PTPRD: variants seen among roughly 807,000 people sequenced by gnomAD.
The protein encoded by PTPRD is receptor-type tyrosine-protein phosphatase delta.
In PTPRD, 34 loss-of-function variants were observed where a neutral mutation model predicts 214.5. The observed-to-expected ratio is 0.16, with a 90% CI of 0.12 to 0.21. PTPRD has a LOEUF of 0.21. Ranked by LOEUF, PTPRD falls within the 10% of genes least tolerant of loss-of-function variation. The probability of loss-of-function intolerance (pLI) is 1.00; values close to 1 mark genes in which losing one functional copy is unlikely to be tolerated. For missense variants in PTPRD, 2,545 were observed against 2,398.7 expected (o/e 1.06, Z -1.27); for synonymous variants, 1,128 against 845.7 (o/e 1.33, Z -5.79).
chr9:8,883,884 A>G (rs1022167127), intron 11 of PTPRD, among the ~76,000 whole-genome samples: 2 of 152,224 alleles, frequency 1.3e-5, no homozygotes, highest in East Asian at 3.9e-4. Flanking sequence ...ATCTGGGGAT[A>G]TACATTCAAG....
chr9:9,481,109 AATG>A (rs1191823278), intron 8 of PTPRD, among the ~76,000 whole-genome samples: 1 of 152,062 alleles, frequency 6.6e-6, no homozygotes, highest in Non-Finnish European at 1.5e-5. Flanking sequence ...TGATGGTGAT[AATG>A]ATGATGATGA....
At position 9,765,021 on chromosome 9, in the gene PTPRD, C is replaced by G. The variant is rs529352024; in HGVS notation, c.-326+1789G>C. Among the ~76,000 whole-genome samples the G allele has an allele frequency of 8.1e-4, 123 of 152,254 alleles. 1 individual carries two copies. The highest frequency in any genetic ancestry group is 1.2e-3 in the Non-Finnish European group (80 of 68,030). On this transcript the variant is annotated intron_variant, in intron 6 of 45. Transcript: ENST00000381196. ...GTCCCTGCCAAATGTCATGCCAAAG[C>G]CTTGACACAACAGAGATTTGTGCCT... is the stretch of plus-strand genomic sequence containing the variant.
chr9:9,994,538 T>C (rs1312594287), intron 4 of PTPRD, among the ~76,000 whole-genome samples: 4 of 152,050 alleles, frequency 2.6e-5, no homozygotes, highest in East Asian at 1.9e-4. Flanking sequence ...TCAGCTGTTA[T>C]AACACAATCT....
intron 31 of PTPRD, among the ~76,000 whole-genome samples, chr9:8,467,083 G>T (rs1439224482): frequency 1.3e-5 from 2 of 151,822 alleles, no homozygotes; most frequent in Admixed American, 1.3e-4. Flanking sequence ...TCAGTTACAG[G>T]AAAATTTTGG....
intron 2 of PTPRD, among the ~76,000 whole-genome samples, chr9:10,552,950 T>C (rs373889978): frequency 6.6e-5 from 10 of 152,294 alleles, no homozygotes; most frequent in African/African-American, 2.2e-4. Context: ...GATATAGTAG[T>C]CTTGATGATG....
At chr9:9,013,291 T>G (rs2099519505) in intron 11 of PTPRD, among the ~76,000 whole-genome samples, 1 of 152,018 alleles carries the variant, frequency 6.6e-6, no homozygotes, top group East Asian at 1.9e-4. Context: ...AAAACCACTC[T>G]CAAGGTGATG....
chr9:8,940,245 C>G (rs1415820643), intron 11 of PTPRD, among the ~76,000 whole-genome samples: 3 of 143,318 alleles, frequency 2.1e-5, no homozygotes, highest in African/African-American at 7.7e-5. Context: ...ACTAAATTGA[C>G]TAAGGCATTT....
chr9:10,390,130 G>A (rs2098026818), intron 2 of PTPRD, among the ~76,000 whole-genome samples: 1 of 151,812 alleles, frequency 6.6e-6, no homozygotes, highest in Non-Finnish European at 1.5e-5. Context: ...CACATATACA[G>A]TACAGATTAA....
chr9:8,883,347 G>A lies in PTPRD; in HGVS notation c.-104+135350C>T, dbSNP rs187196138. The stretch of plus-strand genomic sequence containing the variant: ...TTCTGTGTGGAGTAAGTAGAGAGAG[G>A]TGATTTCTTTCTTAAAATCCTTCTC... On this transcript the variant is annotated intron_variant, in intron 11 of 45. Coordinates refer to ENST00000381196, the MANE Select transcript of PTPRD (RefSeq NM_002839.4). Among the ~76,000 whole-genome samples the A allele has an allele frequency of 3.8e-4, 58 of 152,304 alleles. 1 individual carries two copies. Among genetic ancestry groups the A allele is most frequent in the Middle Eastern group, 3.4e-3 (1 of 294 alleles).
chr9:9,908,005 G>A (rs542933155), intron 5 of PTPRD, among the ~76,000 whole-genome samples: 257 of 151,434 alleles, frequency 1.7e-3, no homozygotes, highest in Non-Finnish European at 3.0e-3. Flanking sequence ...TATACTTTGA[G>A]GACTATATAG....
intron 10 of PTPRD, among the ~76,000 whole-genome samples, chr9:9,063,789 G>A (rs75390677): frequency 0.028 from 4,272 of 152,280 alleles, 256 homozygotes; most frequent in East Asian, 0.13. Context: ...AAGAAAAGGT[G>A]TGCTGGAATC....
At chr9:8,554,113 A>T (rs2082975692) in intron 14 of PTPRD, among the ~76,000 whole-genome samples, 1 of 152,104 alleles carries the variant, frequency 6.6e-6, no homozygotes, top group African/African-American at 2.4e-5. Flanking sequence ...ACTTGAACCC[A>T]GGAGGCGAAG....
intron 5 of PTPRD, among the ~76,000 whole-genome samples, chr9:9,883,695 TCTAA>T (rs2069664502): frequency 1.3e-5 from 2 of 152,278 alleles, no homozygotes; most frequent in South Asian, 4.1e-4. Context: ...ATGTACTCTA[TCTAA>T]CCTCTTAGCC....
intron 3 of PTPRD, among the ~76,000 whole-genome samples, chr9:10,060,913 T>G (rs529536109): frequency 8.4e-6 from 1 of 119,058 alleles, no homozygotes. Context: ...TCTTTCTTTC[T>G]TTCTTTCTTT....
At chr9:8,446,273 G>A (rs763815721) in intron 34 of PTPRD, among the ~76,000 whole-genome samples, 4 of 152,062 alleles carry the variant, frequency 2.6e-5, no homozygotes, top group Admixed American at 1.3e-4. Flanking sequence ...GGGGAATATC[G>A]GGCAGAATTA....
At chr9:10,320,961 C>G (rs888770144) in intron 3 of PTPRD, among the ~76,000 whole-genome samples, 2 of 151,906 alleles carry the variant, frequency 1.3e-5, no homozygotes, top group African/African-American at 4.8e-5. Context: ...CTCCTGGGCT[C>G]AAGCAATCCG....
intron 36 of PTPRD, among the ~76,000 whole-genome samples, chr9:8,396,134 C>G (rs199500819): frequency 7.7e-6 from 1 of 129,140 alleles, no homozygotes; most frequent in Non-Finnish European, 1.7e-5. Flanking sequence ...GCTCAGTCTC[C>G]TCATCACTAA....
chr9:10,335,165 G>T (rs937199577), intron 3 of PTPRD, among the ~76,000 whole-genome samples: 2 of 151,670 alleles, frequency 1.3e-5, no homozygotes, highest in Non-Finnish European at 2.9e-5. Context: ...GTCCAGGACT[G>T]ACACTACCTG....
rs2099955232 is a variant in PTPRD at position 9,220,506 on chromosome 9, T to G, written c.-202-37143A>C. Among the ~76,000 whole-genome samples, 3 of 152,056 alleles carry G rather than the reference T, an allele frequency of 2.0e-5. No homozygotes were observed. In the South Asian group the frequency reaches 6.2e-4, roughly 32 times the overall value. ...TTGTGCATTGGGGATATATTCTTTG[T>G]AAAACTGTTTCTGAAACTTTCTAAA... is the stretch of plus-strand genomic sequence containing the variant. On this transcript the variant is annotated intron_variant, in intron 9 of 45. Transcript: ENST00000381196.
Sources: allele counts gnomAD v4.1 joint callset (sites outside exome capture counted in the v4.1 genomes callset), GRCh38; gene constraint gnomAD v4.1.1; transcripts MANE v1.5; gene names NCBI Gene and HGNC (gene_info 2026-07-23, HGNC 2026-07-21).